A2ML1: variants seen among roughly 807,000 people sequenced by gnomAD.
A2ML1 encodes the protein alpha-2-macroglobulin-like protein 1.
A neutral mutation model predicts 181.9 loss-of-function variants in A2ML1; 161 were observed. The observed-to-expected ratio is 0.89, with a 90% CI of 0.78 to 1.01. A2ML1 has a LOEUF of 1.01. Among genes scored for constraint, A2ML1 ranks in the 50% least tolerant of loss-of-function variants. The pLI, the probability that A2ML1 is intolerant of heterozygous loss-of-function variation, is 0.00. For missense variants in A2ML1, 1,670 were observed against 1,768.1 expected, an observed-to-expected ratio of 0.94 and a Z score of 1.00; for synonymous variants, 663 against 666.8, an observed-to-expected ratio of 0.99 and a Z score of 0.09.
intron 29 of A2ML1, among the ~76,000 whole-genome samples, chr12:8,867,152 T>A (rs1239819733): frequency 6.6e-6 from 1 of 152,226 alleles, no homozygotes; most frequent in African/African-American, 2.4e-5. Flanking sequence ...AATGACTTCA[T>A]AGACTGCAAT....
Position 8,863,865 on chromosome 12 carries a change from G to A in A2ML1, c.3574G>A (p.Val1192Ile), listed in dbSNP as rs747252576. 1.9e-6 allele frequency: 3 copies of A among 1,614,230 alleles called. No individual in the cohort carries two copies. The highest frequency in any genetic ancestry group is 2.5e-6 in the Non-Finnish European group (3 of 1,180,036). Residue 1192 changes from valine (V) to isoleucine (I), a missense_variant, in exon 29 of 36, where the codon GTA becomes ATA. By Grantham distance (29) the Val-to-Ile change is conservative. Coordinates refer to ENST00000299698, the MANE Select transcript of A2ML1 (RefSeq NM_144670.6). The stretch of plus-strand genomic sequence containing the variant: ...CAGCCCTTGGTCTGAGCCTGCGGCT[G>A]TAGATGTGGAACTCACAGCATATGC... ...NASPWSEPAA[V>I]DVELTAYALL...
chr12:8,830,614 T>C (rs1447444390), intron 4 of A2ML1: 1 of 152,196 alleles, frequency 6.6e-6, no homozygotes, highest in Non-Finnish European at 1.5e-5. Context: ...ACAGGTTTGA[T>C]TTCAAGTTGG....
chr12:8,874,880 G>GAAGGGGC, intron 34 of A2ML1, 91 bp from the exon 35 acceptor site: 2 of 1,244,952 alleles, frequency 1.6e-6, no homozygotes, highest in Admixed American at 3.7e-5. Flanking sequence ...AGATTCTCTG[G>GAAGGGGC]AAGGGGCTCA....
chr12:8,848,850 G>A lies in A2ML1; in HGVS notation c.1964G>A (p.Ser655Asn), dbSNP rs754573937. ...GACCCAATGCCCCAAGGGCATTCGAGCCAGCGTTCCATTATCTGGAGGCCC... is the reference window on the plus strand; with the variant it reads ...GACCCAATGCCCCAAGGGCATTCGAACCAGCGTTCCATTATCTGGAGGCCC... ...LIDPMPQGHS[S>N]QRSIIWRPSF... The change falls in exon 16 of 36, where the codon AGC becomes AAC. Residue 655 changes from serine to asparagine, a missense_variant. Ser to Asn is a conservative substitution (Grantham distance 46). Coordinates refer to ENST00000299698, the MANE Select transcript of A2ML1 (RefSeq NM_144670.6). The A allele has an allele frequency of 6.2e-7, 1 of 1,614,112 alleles. No homozygotes were observed.
At chr12:8,856,068 T>G (rs895907801) in intron 23 of A2ML1, among the ~76,000 whole-genome samples, 5 of 152,182 alleles carry the variant, frequency 3.3e-5, no homozygotes, top group Non-Finnish European at 7.4e-5. Flanking sequence ...AACAAGTTAG[T>G]GAACAGTTCT....
intron 2 of A2ML1, 160 bp from the exon 3 acceptor site, chr12:8,823,560 C>G (rs972379610): frequency 2.2e-5 from 24 of 1,074,044 alleles, no homozygotes. Context: ...CCCTTTAGTT[C>G]CTGACCTTAA....
chr12:8,845,513 A>C lies in A2ML1; in HGVS notation c.1537+11A>C, dbSNP rs748212443. ...ACTCTAAGAAGAAAGGTGAGTGTACATGCTTTTCCCGGAAGCAAACAGGAT... is the reference window on the plus strand; with the variant it reads ...ACTCTAAGAAGAAAGGTGAGTGTACCTGCTTTTCCCGGAAGCAAACAGGAT... On this transcript the variant is annotated intron_variant, in intron 13 of 35. Transcript: ENST00000299698. 1 of 1,613,964 alleles carries C rather than the reference A, an allele frequency of 6.2e-7. No homozygotes were observed. Among genetic ancestry groups the C allele is most frequent in the Non-Finnish European group, 8.5e-7 (1 of 1,179,958 alleles).
chr12:8,848,841 G>T lies in A2ML1; in HGVS notation c.1955G>T (p.Gly652Val). 6.2e-7 allele frequency: 1 copy of T among 1,614,078 alleles called. No homozygotes were observed. The highest frequency in any genetic ancestry group is 8.5e-7 in the Non-Finnish European group (1 of 1,180,014). ...CCCCTCATTGACCCAATGCCCCAAG[G>T]GCATTCGAGCCAGCGTTCCATTATC... ...PQPLIDPMPQ[G>V]HSSQRSIIWR... is the part of the protein sequence containing the mutation. Residue 652 changes from glycine (G) to valine (V), a missense_variant, in exon 16 of 36, where the codon GGG (glycine) becomes GTG (valine). Physicochemically the swap from Gly to Val is moderately radical, Grantham distance 109. Transcript: ENST00000299698.
At position 8,868,330 on chromosome 12, in the gene A2ML1, G is replaced by A. The variant is rs1388303934; in HGVS notation, c.4034G>A (p.Arg1345Gln). Residue 1345 changes from arginine to glutamine, a missense_variant, in exon 31 of 36, where the codon CGA becomes CAA. Coordinates refer to ENST00000299698, the MANE Select transcript of A2ML1 (RefSeq NM_144670.6). ...AGATGTGAGCAACCGACTTCACCTC[G>A]ATCCTTGACTCTCACTATTCACACC... ...KARCEQPTSPRSLTLTIHTSY... is the reference protein window; with the variant it reads ...KARCEQPTSPQSLTLTIHTSY... The A allele has an allele frequency of 6.2e-6, 10 of 1,613,570 alleles. No individual in the cohort carries two copies. Among genetic ancestry groups the A allele is most frequent in the East Asian group, 2.2e-5 (1 of 44,888 alleles).
intron 4 of A2ML1, among the ~76,000 whole-genome samples, chr12:8,834,195 A>AT (rs1258991899): frequency 1.3e-5 from 2 of 152,164 alleles, no homozygotes; most frequent in Non-Finnish European, 2.9e-5. Flanking sequence ...ATTTCAAACA[A>AT]TTTTAAAAAT....
intron 9 of A2ML1, among the ~76,000 whole-genome samples, chr12:8,838,739 T>C (rs1057087758): frequency 1.3e-5 from 2 of 151,538 alleles, no homozygotes; most frequent in African/African-American, 4.8e-5. Context: ...GGTGAAACCC[T>C]GTCTCTACTA....
chr12:8,856,255 G>A (rs1005534478), intron 23 of A2ML1, among the ~76,000 whole-genome samples: 2 of 152,148 alleles, frequency 1.3e-5, no homozygotes, highest in African/African-American at 4.8e-5. Flanking sequence ...CAGTCACAGT[G>A]TCTCTGTTTT....
intron 18 of A2ML1, among the ~76,000 whole-genome samples, chr12:8,851,525 C>G (rs1025138710): frequency 1.3e-5 from 2 of 152,010 alleles, no homozygotes; most frequent in Non-Finnish European, 2.9e-5. Context: ...CCTGCCTCAG[C>G]CTCCTAAGTA....
Position 8,823,830 on chromosome 12 carries a change from G to C in A2ML1, c.357G>C (p.Gly119=), listed in dbSNP as rs200671971. The C allele has an allele frequency of 4.0e-4, 653 of 1,614,088 alleles. No homozygotes were observed. Among genetic ancestry groups the C allele is most frequent in the Middle Eastern group, 2.5e-3 (15 of 6,060 alleles). ...EKKKVLIQRQ[G]NGTFVQTDKP... ...AAAAGGTTCTAATTCAGAGGCAGGG[G>C]AACGGCACCTTTGTACAGACTGACA... The change falls in exon 3 of 36, where the codon GGG becomes GGC. Residue 119 remains glycine, a synonymous_variant. Coordinates refer to ENST00000299698, the MANE Select transcript of A2ML1 (RefSeq NM_144670.6).
chr12:8,859,406 G>A (rs1944180820), intron 26 of A2ML1, among the ~76,000 whole-genome samples: 1 of 151,944 alleles, frequency 6.6e-6, no homozygotes, highest in Non-Finnish European at 1.5e-5. Flanking sequence ...TATGCGTGGG[G>A]GCCAGGCGCA....
chr12:8,844,060 T>C (rs1284502229), intron 12 of A2ML1, among the ~76,000 whole-genome samples: 1 of 151,328 alleles, frequency 6.6e-6, no homozygotes, highest in African/African-American at 2.4e-5. Context: ...AGATACTGCA[T>C]GGCCCAGTAT....
intron 23 of A2ML1, among the ~76,000 whole-genome samples, chr12:8,855,987 G>A (rs1248921824): frequency 6.6e-6 from 1 of 152,192 alleles, no homozygotes; most frequent in Non-Finnish European, 1.5e-5. Flanking sequence ...TGGGGCAAGG[G>A]AGGAAGTGGG....
chr12:8,871,963 A>C (rs1250827488), intron 33 of A2ML1, among the ~76,000 whole-genome samples: 1 of 151,962 alleles, frequency 6.6e-6, no homozygotes, highest in East Asian at 1.9e-4. Context: ...GCAGATCATG[A>C]GGTCAGGAGA....
intron 28 of A2ML1, among the ~76,000 whole-genome samples, chr12:8,862,074 T>C (rs1357765196): frequency 1.3e-5 from 2 of 152,186 alleles, no homozygotes; most frequent in African/African-American, 4.8e-5. Context: ...TTTTATACTT[T>C]TAATGTGAAG....
Sources: gnomAD v4.1 joint callset for allele counts (sites outside exome capture counted in the v4.1 genomes callset) on GRCh38, gnomAD v4.1.1 for gene constraint, MANE v1.5 for transcripts, NCBI Gene and HGNC (gene_info 2026-07-23, HGNC 2026-07-21) for gene names.